The following LRRC18 variants were observed in gnomAD, a reference collection of about 807,000 sequenced individuals.
LRRC18 encodes the protein leucine-rich repeat-containing protein 18.
In LRRC18, 12 loss-of-function variants were observed where a neutral mutation model predicts 11.2. The observed-to-expected ratio is 1.07, with a 90% CI of 0.69 to 1.74. LRRC18 has a LOEUF of 1.74. Among genes scored for constraint, LRRC18 ranks in the 40% most tolerant of loss-of-function variants. LRRC18 has a pLI of 0.00. For synonymous variants in LRRC18, 155 were observed against 130.6 expected (o/e 1.19, Z -1.27); for missense variants, 374 against 330.5 (o/e 1.13, Z -1.02).
At chr10:48,911,372 T>C (rs1162551035) in intron 1 of LRRC18, among the ~76,000 whole-genome samples, 1 of 152,236 alleles carries the variant, frequency 6.6e-6, no homozygotes, top group Non-Finnish European at 1.5e-5. Context: ...ATGGCATGTA[T>C]CAACATTATT....
chr10:48,914,513 C>T (rs1838321472), upstream of LRRC18, among the ~76,000 whole-genome samples: 1 of 152,184 alleles, frequency 6.6e-6, no homozygotes, highest in Non-Finnish European at 1.5e-5. Context: ...AAATACTCTC[C>T]ACTGTCCCAG....
the LRRC18 span, among the ~76,000 whole-genome samples, chr10:48,928,015 C>G: frequency 6.6e-6 from 1 of 152,214 alleles, no homozygotes; most frequent in Non-Finnish European, 1.5e-5. Flanking sequence ...GCAGACCTGG[C>G]CCCTTTGAAG....
chr10:48,927,157 C>A, the LRRC18 span, among the ~76,000 whole-genome samples: 6 of 152,118 alleles, frequency 3.9e-5, no homozygotes, highest in Admixed American at 2.6e-4. Flanking sequence ...TCTAACCTCT[C>A]GTTAAGTACT....
chr10:48,917,063 T>C (rs1054230877), upstream of LRRC18, among the ~76,000 whole-genome samples: 4 of 152,210 alleles, frequency 2.6e-5, no homozygotes, highest in Non-Finnish European at 5.9e-5. Flanking sequence ...CTATAGTGTT[T>C]AGTACAGTAA....
At chr10:48,926,566 G>T in the LRRC18 span, among the ~76,000 whole-genome samples, 1 of 152,138 alleles carries the variant, frequency 6.6e-6, no homozygotes, top group Non-Finnish European at 1.5e-5. Context: ...CTGACCACAG[G>T]CAAATAAGGT....
the LRRC18 span, among the ~76,000 whole-genome samples, chr10:48,937,403 A>G: frequency 6.6e-6 from 1 of 152,294 alleles, no homozygotes; most frequent in South Asian, 2.1e-4. Context: ...TCCTGGAGCA[A>G]GATCTGGTCC....
At chr10:48,917,521 G>A (rs1374171711), upstream of LRRC18, among the ~76,000 whole-genome samples, 1 of 152,186 alleles carries the variant, frequency 6.6e-6, no homozygotes, top group African/African-American at 2.4e-5. Flanking sequence ...ATCACCCACA[G>A]GGGAACAGCA....
At chr10:48,933,541 G>A in the LRRC18 span, among the ~76,000 whole-genome samples, 6 of 152,224 alleles carry the variant, frequency 3.9e-5, no homozygotes, top group Non-Finnish European at 7.3e-5. Flanking sequence ...GGCAGGAGCT[G>A]AGCTAGATCC....
the LRRC18 span, among the ~76,000 whole-genome samples, chr10:48,926,705 G>C: frequency 1.3e-5 from 2 of 152,180 alleles, no homozygotes; most frequent in African/African-American, 4.8e-5. Flanking sequence ...TATACAAATA[G>C]TATGAATGTT....
chr10:48,916,084 A>C (rs552946711), upstream of LRRC18, among the ~76,000 whole-genome samples: 1 of 152,342 alleles, frequency 6.6e-6, no homozygotes, highest in African/African-American at 2.4e-5. Context: ...ATGCACAGAG[A>C]AGCACTCTGG....
chr10:48,937,114 G>A, the LRRC18 span, among the ~76,000 whole-genome samples: 3 of 151,900 alleles, frequency 2.0e-5, no homozygotes, highest in African/African-American at 4.8e-5. Context: ...GGCTGGTCTC[G>A]AACTCCTGAC....
At chr10:48,939,670 G>T in the LRRC18 span, among the ~76,000 whole-genome samples, 1 of 152,136 alleles carries the variant, frequency 6.6e-6, no homozygotes, top group Non-Finnish European at 1.5e-5. Flanking sequence ...AATTCACATA[G>T]ATCATTTTAA....
the LRRC18 span, among the ~76,000 whole-genome samples, chr10:48,937,247 T>C: frequency 6.6e-6 from 1 of 152,242 alleles, no homozygotes; most frequent in Non-Finnish European, 1.5e-5. Flanking sequence ...AGTTGTACCA[T>C]AACAATCTGG....
the LRRC18 span, among the ~76,000 whole-genome samples, chr10:48,937,704 G>A: frequency 1.3e-5 from 2 of 152,236 alleles, no homozygotes; most frequent in East Asian, 1.9e-4. Context: ...AATGAAAAGC[G>A]ATAGGTAGTT....
At chr10:48,917,184 A>C (rs951407701), upstream of LRRC18, among the ~76,000 whole-genome samples, 5 of 152,212 alleles carry the variant, frequency 3.3e-5, no homozygotes, top group Admixed American at 3.3e-4. Context: ...TTTGATGTTC[A>C]CATAATGATG....
the LRRC18 span, chr10:48,935,245 T>G: frequency 1.3e-5 from 2 of 152,382 alleles, no homozygotes; most frequent in Admixed American, 1.3e-4. Context: ...ACTTAGGACC[T>G]GGAGGTCATT....
At chr10:48,931,749 C>T in the LRRC18 span, among the ~76,000 whole-genome samples, 2 of 152,204 alleles carry the variant, frequency 1.3e-5, no homozygotes, top group African/African-American at 4.8e-5. Flanking sequence ...ATTCAGATTT[C>T]CTTTTCCTCC....
exon 1 of LRRC18, chr10:48,913,441 T>C (rs762226487): frequency 1.9e-6 from 3 of 1,613,308 alleles, no homozygotes; most frequent in Non-Finnish European, 2.5e-6. Context: ...GAGATCAGAT[T>C]GGGAAAGATG....
At chr10:48,913,930 G>A (rs757556824) in exon 1 of LRRC18, 43 of 1,614,114 alleles carry the variant, frequency 2.7e-5, no homozygotes, top group Middle Eastern at 1.6e-4. Flanking sequence ...TCCAGCCACC[G>A]GAGGTTCTGG....
Sources: gnomAD v4.1 joint callset for allele counts (sites outside exome capture counted in the v4.1 genomes callset) on GRCh38, gnomAD v4.1.1 for gene constraint, MANE v1.5 for transcripts, NCBI Gene and HGNC (gene_info 2026-07-23, HGNC 2026-07-21) for gene names.